Variants in POT1 observed in about 807,000 individuals in gnomAD.
The protein encoded by POT1 is protection of telomeres 1.
A neutral mutation model predicts 78.5 loss-of-function variants in POT1; 47 were observed. The observed-to-expected ratio is 0.60, with a 90% confidence interval of 0.47 to 0.76. The LOEUF is 0.76. POT1 is among the 30% of genes least tolerant of loss of function. POT1 has a pLI of 0.00. For synonymous variants in POT1, 259 were observed against 260.7 expected (o/e 0.99, Z 0.06); for missense variants, 646 against 749.9 (o/e 0.86, Z 1.62).
In POT1 at chr7:124,929,804, G is replaced by A. The variant is rs1396889223; in HGVS notation, c.-422C>T. The A allele has an allele frequency of 6.6e-6, 1 of 152,406 alleles. No homozygotes were observed. Among genetic ancestry groups the A allele is most frequent in the East Asian group, 1.9e-4 (1 of 5,184 alleles). The allele number at this position is 152,406 out of a possible 1,614,324, so 9.4% of individuals were successfully genotyped here. On this transcript the variant is annotated 5_prime_UTR_variant, in exon 1 of 19. Transcript: ENST00000357628. ...ACAAATTTCACTCACCCGTACTCTAGAAAGAACCCTAGGAAGAGTTTAGGC... is the reference window on the plus strand; with the variant it reads ...ACAAATTTCACTCACCCGTACTCTAAAAAGAACCCTAGGAAGAGTTTAGGC...
At chr7:124,879,437 G>A (rs1208276999) in intron 6 of POT1, among the ~76,000 whole-genome samples, 2 of 152,248 alleles carry the variant, frequency 1.3e-5, no homozygotes, top group African/African-American at 4.8e-5. Context: ...GCCACGGTTT[G>A]GAAATGAGGG....
At chr7:124,829,865 G>A (rs973749517) in intron 15 of POT1, among the ~76,000 whole-genome samples, 2 of 151,992 alleles carry the variant, frequency 1.3e-5, no homozygotes, top group Non-Finnish European at 1.5e-5. Context: ...ATGCCTGGGT[G>A]ATTTTTGTAA....
intron 7 of POT1, among the ~76,000 whole-genome samples, chr7:124,865,707 T>C (rs7801140): frequency 0.6 from 90,442 of 150,648 alleles, 27,241 homozygotes; most frequent in African/African-American, 0.65. Context: ...TTATTAATTA[T>C]TATTATTATT....
At chr7:124,850,754 C>T (rs1795286798) in intron 11 of POT1, among the ~76,000 whole-genome samples, 1 of 151,528 alleles carries the variant, frequency 6.6e-6, no homozygotes, top group African/African-American at 2.4e-5. Context: ...AACAAACAAA[C>T]AAACAAACAA....
intron 9 of POT1, chr7:124,858,689 A>G (rs1008403971): frequency 9.0e-6 from 2 of 221,684 alleles, no homozygotes; most frequent in Non-Finnish European, 1.7e-5. Context: ...CTCACACAAC[A>G]AAATTTTTCT....
intron 1 of POT1, among the ~76,000 whole-genome samples, chr7:124,929,292 T>C (rs1024055103): frequency 9.2e-5 from 14 of 152,016 alleles, no homozygotes; most frequent in African/African-American, 3.4e-4. Flanking sequence ...AAATGTAAAA[T>C]TTATTGGGGA....
In POT1 at chr7:124,844,164, T is replaced by C. The variant is rs1795101957; in HGVS notation, c.1007-1201A>G. 2.7e-5 allele frequency among the ~76,000 whole-genome samples: 4 copies of C among 149,466 alleles called. No homozygotes were observed. In the South Asian group the frequency reaches 8.5e-4, roughly 32 times the overall value. ...TTTTTCGGAGACGGAGTTTCCCTCT[T>C]GTTGCCCAGGCTGGAGTGCAATGGT... On this transcript the variant is annotated intron_variant, in intron 12 of 18. Transcript: ENST00000357628.
chr7:124,873,166 C>T (rs1795910853), intron 6 of POT1, among the ~76,000 whole-genome samples: 1 of 151,910 alleles, frequency 6.6e-6, no homozygotes, highest in South Asian at 2.1e-4. Context: ...TGATACAATC[C>T]CATTTGTCTA....
intron 12 of POT1, among the ~76,000 whole-genome samples, 164 bp downstream of exon 12, chr7:124,846,778 T>C (rs920596971): frequency 6.6e-6 from 1 of 152,196 alleles, no homozygotes; most frequent in Non-Finnish European, 1.5e-5. Context: ...TTCCATTTTA[T>C]GCCAACAAGA....
chr7:124,860,833 C>A (rs1313537447), intron 8 of POT1, among the ~76,000 whole-genome samples: 3 of 152,094 alleles, frequency 2.0e-5, no homozygotes, highest in Non-Finnish European at 4.4e-5. Context: ...GTTCAACTCC[C>A]ACTTATGAGT....
rs1480957854 is a variant in POT1, at chr7:124,823,833, G to A, written c.*129C>T. On this transcript the variant is annotated 3_prime_UTR_variant, in exon 19 of 19. Transcript: ENST00000357628. ...TAAAAGCCAAGAGATTTAAGGTAAGGACATTTTCTAATCCCATACCCATGC... is the reference window on the plus strand; with the variant it reads ...TAAAAGCCAAGAGATTTAAGGTAAGAACATTTTCTAATCCCATACCCATGC... The A allele has an allele frequency of 4.6e-6, 3 of 650,846 alleles. No homozygotes were observed. Among genetic ancestry groups the A allele is most frequent in the African/African-American group, 1.9e-5 (1 of 53,120 alleles). The allele number at this position is 650,846 out of a possible 1,614,324, so 40.3% of individuals were successfully genotyped here. A position where few individuals can be genotyped will look rare whatever the true frequency, so the allele number is the denominator to read the frequency against.
At chr7:124,844,777 A>AT (rs1795125728) in intron 12 of POT1, among the ~76,000 whole-genome samples, 1 of 150,366 alleles carries the variant, frequency 6.7e-6, no homozygotes, top group Non-Finnish European at 1.5e-5. Context: ...GACCTGATCA[A>AT]TTTAGTGTAC....
rs1192332978 is a variant in POT1 at position 124,822,402 on chromosome 7, G to A, written c.*1560C>T. 3 of 323,576 alleles carry A rather than the reference G, an allele frequency of 9.3e-6. No individual in the cohort carries two copies. The highest frequency in any genetic ancestry group is 7.6e-5 in the East Asian group (1 of 13,236). 20.0% of individuals were successfully genotyped at this position (323,576 alleles called of 1,614,324 possible). A position where few individuals can be genotyped will look rare whatever the true frequency, so the allele number is the denominator to read the frequency against. ...CAAAAGAAATCATGATAAGGTGGATGTTTATTTAAAACAAAAATAAGAAGA... is the reference window on the plus strand; with the variant it reads ...CAAAAGAAATCATGATAAGGTGGATATTTATTTAAAACAAAAATAAGAAGA... On this transcript the variant is annotated 3_prime_UTR_variant, in exon 19 of 19. Coordinates refer to ENST00000357628, the MANE Select transcript of POT1 (RefSeq NM_015450.3).
rs189794072 is a variant in POT1 at position 124,875,893 on chromosome 7, C to T, written c.125-4852G>A. Among the ~76,000 whole-genome samples, 39 of 152,182 alleles carry T rather than the reference C, an allele frequency of 2.6e-4. No homozygotes were observed. The East Asian group carries it at 7.1e-3, about 28-fold the overall frequency. On this transcript the variant is annotated intron_variant, in intron 6 of 18. Transcript: ENST00000357628. ...CTTGTGATGGCATTCTTTCATCTTA[C>T]ATGATATTTACATACCAAAATTTAC...
intron 7 of POT1, among the ~76,000 whole-genome samples, chr7:124,869,487 A>T (rs1209374839): frequency 6.6e-6 from 1 of 151,344 alleles, no homozygotes; most frequent in Non-Finnish European, 1.5e-5. Flanking sequence ...TATTGTTTGA[A>T]TACAGTATAC....
At position 124,824,078 on chromosome 7, in the gene POT1, C is replaced by A; in HGVS notation, c.1793-4G>T. On this transcript the variant is annotated splice_polypyrimidine_tract_variant and splice_region_variant and intron_variant, in intron 18 of 18. Transcript: ENST00000357628. ...CATTCCAACCACGGATATGCATCTA[C>A]AAAAACAAAAACAAAAAAAGCGATT... 6.6e-7 allele frequency: 1 copy of A among 1,522,852 alleles called. No homozygotes were observed. The allele number at this position is 1,522,852 out of a possible 1,614,324, so 94.3% of individuals were successfully genotyped here.
Position 124,829,315 on chromosome 7 carries a change from G to C in POT1, c.1533C>G (p.Ser511=), listed in dbSNP as rs1251342049. ...YGCKQCSSLR[S]IQNLNSLVDK... ...CAACCAGGGAATTTAGATTTTGTAT[G>C]GATCTCAAACTAGAACACTGTTTAC... is the stretch of plus-strand genomic sequence containing the variant. The change falls in exon 16 of 19, where the codon TCC becomes TCG. Residue 511 remains serine (S), a synonymous_variant. Coordinates refer to ENST00000357628, the MANE Select transcript of POT1 (RefSeq NM_015450.3). 1.3e-6 allele frequency: 2 copies of C among 1,597,726 alleles called. No individual in the cohort carries two copies. The highest frequency in any genetic ancestry group is 1.7e-6 in the Non-Finnish European group (2 of 1,165,552).
intron 8 of POT1, among the ~76,000 whole-genome samples, chr7:124,859,346 G>A (rs1197724894): frequency 6.6e-6 from 1 of 152,100 alleles, no homozygotes; most frequent in East Asian, 1.9e-4. Context: ...CATAAGCTCA[G>A]ACTAAATATT....
intron 7 of POT1, among the ~76,000 whole-genome samples, chr7:124,865,586 AT>A (rs1042311077): frequency 6.6e-6 from 1 of 151,472 alleles, no homozygotes; most frequent in Non-Finnish European, 1.5e-5. Flanking sequence ...CTGAATTTCT[AT>A]TTTTTTAATA....
Sources: allele counts gnomAD v4.1 joint callset (sites outside exome capture counted in the v4.1 genomes callset), GRCh38; gene constraint gnomAD v4.1.1; transcripts MANE v1.5; gene names NCBI Gene and HGNC (gene_info 2026-07-23, HGNC 2026-07-21).